Variants in TXNDC8 observed in about 807,000 individuals in gnomAD.
The protein encoded by TXNDC8 is thioredoxin domain-containing protein 8.
Under a neutral mutation model 12.9 loss-of-function variants are expected in TXNDC8, and 15 were observed. That is an observed-to-expected ratio of 1.16 (90% CI 0.78 to 1.79). The LOEUF is 1.79. Among genes scored for constraint, TXNDC8 ranks in the 40% most tolerant of loss-of-function variants. TXNDC8 has a pLI of 0.00. For missense variants in TXNDC8, 128 were observed against 113.2 expected, an observed-to-expected ratio of 1.13 and a Z score of -0.59; for synonymous variants, 40 against 35.4, an observed-to-expected ratio of 1.13 and a Z score of -0.46.
chr9:110,307,318 T>A, intron 3 of TXNDC8, among the ~76,000 whole-genome samples: 1 of 152,130 alleles, frequency 6.6e-6, no homozygotes, highest in East Asian at 1.9e-4. Context: ...ACCATAGGCC[T>A]GTGTTGAGCT....
At chr9:110,304,936 T>G (rs919961288) in intron 3 of TXNDC8, among the ~76,000 whole-genome samples, 5 of 152,036 alleles carry the variant, frequency 3.3e-5, no homozygotes, top group African/African-American at 1.2e-4. Context: ...TCACTTGAGA[T>G]CAGGAGTTTG....
chr9:110,329,185 A>G, intron 2 of TXNDC8, 47 bp downstream of exon 3: 2 of 1,515,002 alleles, frequency 1.3e-6, no homozygotes, highest in African/African-American at 1.4e-5. Context: ...TTCAATTACA[A>G]TGCCTTTGGA....
chr9:110,304,884 A>G (rs1173009183), intron 3 of TXNDC8, among the ~76,000 whole-genome samples: 2 of 152,300 alleles, frequency 1.3e-5, no homozygotes, highest in East Asian at 1.9e-4. Flanking sequence ...GCAGTGGCTC[A>G]TGCCTGTAAT....
Position 110,334,340 on chromosome 9 carries a change from G to T in TXNDC8, c.25-20C>A. Reference sequence around the variant, plus strand: ...TTCATTCTGAAAACAGAAAATAAATGAGGAAATGTGCATAATCACTGAATC... The same window carrying T: ...TTCATTCTGAAAACAGAAAATAAATTAGGAAATGTGCATAATCACTGAATC... On this transcript the variant is annotated intron_variant, in intron 1 of 4. Coordinates refer to ENST00000423740, the MANE Select transcript of TXNDC8 (RefSeq NM_001286946.2). The T allele has an allele frequency of 6.4e-7, 1 of 1,562,384 alleles. No homozygotes were observed. The highest frequency in any genetic ancestry group is 8.8e-7 in the Non-Finnish European group (1 of 1,134,274).
In TXNDC8 at chr9:110,334,200, T is replaced by C. The variant is rs1203158126; in HGVS notation, c.129+16A>G. On this transcript the variant is annotated intron_variant, in intron 2 of 4. Coordinates refer to ENST00000423740, the MANE Select transcript of TXNDC8 (RefSeq NM_001286946.2). ...ATTTCTTCTGAAACTATGAGATATA[T>C]ACTGGTTGTACTCACATGGAAAACA... 2 of 1,585,792 alleles carry C rather than the reference T, an allele frequency of 1.3e-6. No individual in the cohort carries two copies. The highest frequency in any genetic ancestry group is 1.7e-6 in the Non-Finnish European group (2 of 1,156,802).
At chr9:110,322,724 G>C (rs1385550635) in intron 3 of TXNDC8, 1 of 985,364 alleles carries the variant, frequency 1.0e-6, no homozygotes, top group Non-Finnish European at 1.2e-6. Context: ...GAACTGGAGA[G>C]AAACTTGCCC....
At chr9:110,309,197 C>T (rs982918017) in intron 3 of TXNDC8, among the ~76,000 whole-genome samples, 3 of 152,036 alleles carry the variant, frequency 2.0e-5, no homozygotes, top group Admixed American at 6.6e-5. Context: ...TTTCTTAGCT[C>T]GGAAGAGAAA....
intron 3 of TXNDC8, among the ~76,000 whole-genome samples, chr9:110,319,376 G>T (rs183907687): frequency 6.6e-6 from 1 of 152,138 alleles, no homozygotes; most frequent in East Asian, 1.9e-4. Context: ...AGAGATGGCC[G>T]TGCACAGCTA....
chr9:110,320,101 A>G (rs1463000989), intron 3 of TXNDC8, among the ~76,000 whole-genome samples: 1 of 152,206 alleles, frequency 6.6e-6, no homozygotes, highest in Non-Finnish European at 1.5e-5. Flanking sequence ...TGAAAGATGG[A>G]GTCAACTTTT....
intron 2 of TXNDC8, among the ~76,000 whole-genome samples, chr9:110,326,940 GCA>G (rs377527245): frequency 0.02 from 2,844 of 142,998 alleles, 35 homozygotes; most frequent in Non-Finnish European, 0.025. Flanking sequence ...TGCTACTCAT[GCA>G]CACACACACA....
At chr9:110,306,210 T>A (rs1368445294) in intron 3 of TXNDC8, among the ~76,000 whole-genome samples, 12 of 152,212 alleles carry the variant, frequency 7.9e-5, no homozygotes. Flanking sequence ...AGGATGAGTG[T>A]TCTAGCTCTA....
chr9:110,304,633 G>C, intron 3 of TXNDC8, 101 bp from the exon 5 acceptor site: 1 of 1,096,468 alleles, frequency 9.1e-7, no homozygotes, highest in Non-Finnish European at 1.3e-6. Context: ...GAAGGAAGGT[G>C]TCAGAAAGGA....
In TXNDC8 at chr9:110,304,527, G is replaced by T. The variant is rs868763085; in HGVS notation, c.201C>A (p.Thr67=). ...TTATTCTTTTGATTCTTGAGAATAG[G>T]GTTACCTAAGTGTGGGTGCAGAATT... is the stretch of plus-strand genomic sequence containing the variant. Residue 67 remains threonine, a synonymous_variant, in exon 4 of 5, where the codon ACC becomes ACA. Coordinates refer to ENST00000423740, the MANE Select transcript of TXNDC8 (RefSeq NM_001286946.2). The T allele has an allele frequency of 1.2e-6, 2 of 1,607,074 alleles. No individual in the cohort carries two copies. The highest frequency in any genetic ancestry group is 1.1e-5 in the South Asian group (1 of 90,030).
intron 3 of TXNDC8, chr9:110,323,290 A>G (rs1839181172): frequency 1.0e-6 from 1 of 985,450 alleles, no homozygotes; most frequent in African/African-American, 1.7e-5. Context: ...TCCAAAACGG[A>G]TATATTTGAC....
chr9:110,308,975 G>A (rs1349274729), intron 3 of TXNDC8, among the ~76,000 whole-genome samples: 1 of 152,202 alleles, frequency 6.6e-6, no homozygotes, highest in East Asian at 1.9e-4. Flanking sequence ...CTTAGCGTGT[G>A]TAATGGCGAA....
chr9:110,335,071 A>T (rs1490973697), intron 1 of TXNDC8, among the ~76,000 whole-genome samples: 3 of 152,068 alleles, frequency 2.0e-5, no homozygotes, highest in African/African-American at 7.2e-5. Flanking sequence ...ATGACAAGTG[A>T]CTGGTCCTAC....
At chr9:110,313,492 G>A (rs1838765981) in intron 3 of TXNDC8, among the ~76,000 whole-genome samples, 1 of 152,082 alleles carries the variant, frequency 6.6e-6, no homozygotes, top group Admixed American at 6.5e-5. Context: ...CCTGAGATTA[G>A]GAGTTTGAGA....
At chr9:110,313,055 G>A (rs561360135) in intron 3 of TXNDC8, among the ~76,000 whole-genome samples, 220 of 152,042 alleles carry the variant, frequency 1.4e-3, no homozygotes, top group African/African-American at 5.2e-3. Flanking sequence ...ACAGATGCCC[G>A]CCACCTTACC....
intron 3 of TXNDC8, among the ~76,000 whole-genome samples, chr9:110,315,614 T>C (rs1385234611): frequency 6.6e-6 from 1 of 151,844 alleles, no homozygotes. Context: ...GGTTTTGATC[T>C]TCTTGCCTCA....
Sources: allele counts gnomAD v4.1 joint callset (sites outside exome capture counted in the v4.1 genomes callset), GRCh38; gene constraint gnomAD v4.1.1; transcripts MANE v1.5; gene names NCBI Gene and HGNC (gene_info 2026-07-23, HGNC 2026-07-21).